Variants in DPP10 observed in about 807,000 individuals in gnomAD.
DPP10 encodes dipeptidyl peptidase like 10, also known as inactive dipeptidyl peptidase 10.
A neutral mutation model predicts 120.9 loss-of-function variants in DPP10; 33 were observed. The observed-to-expected ratio is 0.27, with a 90% CI of 0.21 to 0.37. DPP10 has a LOEUF of 0.37. DPP10 is among the 10% of genes least tolerant of loss of function. The pLI, the probability that DPP10 is intolerant of heterozygous loss-of-function variation, is 1.00. For synonymous variants in DPP10, 337 were observed against 326.1 expected, an observed-to-expected ratio of 1.03 and a Z score of -0.36; for missense variants, 816 against 942.8, an observed-to-expected ratio of 0.87 and a Z score of 1.76.
intron 1 of DPP10, among the ~76,000 whole-genome samples, chr2:114,510,894 T>G (rs968987442): frequency 6.6e-6 from 1 of 152,220 alleles, no homozygotes; most frequent in African/African-American, 2.4e-5. Flanking sequence ...TATCACAGAC[T>G]TATTTGTAGT....
intron 2 of DPP10, among the ~76,000 whole-genome samples, chr2:115,311,536 A>G (rs181615456): frequency 6.6e-6 from 1 of 152,310 alleles, no homozygotes; most frequent in African/African-American, 2.4e-5. Context: ...TCCTGGGGTC[A>G]AATTATTCAT....
chr2:115,468,862 C>G (rs539888873), intron 3 of DPP10: 3 of 412,164 alleles, frequency 7.3e-6, no homozygotes, highest in Non-Finnish European at 1.4e-5. Context: ...GCACTCAAGA[C>G]TGCCACAGAA....
intron 5 of DPP10, among the ~76,000 whole-genome samples, chr2:115,684,817 T>A (rs1156636632): frequency 1.3e-5 from 2 of 151,972 alleles, no homozygotes; most frequent in Non-Finnish European, 2.9e-5. Flanking sequence ...AAAGACAATT[T>A]ACATTTTTAA....
intron 5 of DPP10, among the ~76,000 whole-genome samples, chr2:115,530,823 A>T (rs2078417230): frequency 6.6e-6 from 1 of 152,208 alleles, no homozygotes. Context: ...ACTCTGATTT[A>T]ATTGGCCTGA....
intron 9 of DPP10, among the ~76,000 whole-genome samples, chr2:115,740,463 A>G (rs1405166004): frequency 6.6e-6 from 1 of 152,158 alleles, no homozygotes; most frequent in Non-Finnish European, 1.5e-5. Context: ...AAAATCACCC[A>G]TAAAGAATAG....
chr2:114,588,013 A>G (rs991836167), intron 1 of DPP10, among the ~76,000 whole-genome samples: 2 of 152,262 alleles, frequency 1.3e-5, no homozygotes, highest in Non-Finnish European at 2.9e-5. Flanking sequence ...ATGCCTCTCA[A>G]CAAGGTCCCA....
At chr2:114,681,972 T>C (rs1359631530) in intron 1 of DPP10, among the ~76,000 whole-genome samples, 2 of 152,014 alleles carry the variant, frequency 1.3e-5, no homozygotes, top group Non-Finnish European at 2.9e-5. Flanking sequence ...ATGGCTGGCC[T>C]GGGTCTCACC....
intron 5 of DPP10, among the ~76,000 whole-genome samples, chr2:115,585,381 C>T (rs1424614386): frequency 2.6e-5 from 4 of 152,008 alleles, no homozygotes; most frequent in Non-Finnish European, 5.9e-5. Context: ...CCATGCAGTA[C>T]TAAAAAATAA....
At chr2:114,968,434 G>A (rs905743349) in intron 1 of DPP10, among the ~76,000 whole-genome samples, 1 of 152,050 alleles carries the variant, frequency 6.6e-6, no homozygotes, top group African/African-American at 2.4e-5. Context: ...TAAACAGAAA[G>A]CTCCTTGATG....
intron 1 of DPP10, among the ~76,000 whole-genome samples, chr2:114,630,202 A>G (rs1694818971): frequency 6.6e-6 from 1 of 152,164 alleles, no homozygotes; most frequent in African/African-American, 2.4e-5. Context: ...AAATTTCTGA[A>G]AATGAAAAAT....
At chr2:114,478,591 A>G (rs1379656670) in intron 1 of DPP10, among the ~76,000 whole-genome samples, 1 of 152,100 alleles carries the variant, frequency 6.6e-6, no homozygotes. Flanking sequence ...ATAAGGAAGG[A>G]AGGAAGGAAT....
At chr2:114,707,188 C>A (rs113203136) in intron 1 of DPP10, 1 of 152,078 alleles carries the variant, frequency 6.6e-6, no homozygotes, top group Non-Finnish European at 1.5e-5. Context: ...AGTTGACCTT[C>A]ACAAGACGAA....
rs17043510 is a variant in DPP10, at chr2:114,758,746, T to G, written c.60+315908T>G. 8.6e-3 allele frequency among the ~76,000 whole-genome samples: 1,303 copies of G among 152,310 alleles called. 21 individuals carry two copies. Among genetic ancestry groups the G allele is most frequent in the African/African-American group, 0.03 (1,227 of 41,570 alleles). ...AAAATGAATTATTTTACAGCAAAACTTTGATTAATCACACTGAAAAATAGC... is the reference window on the plus strand; with the variant it reads ...AAAATGAATTATTTTACAGCAAAACGTTGATTAATCACACTGAAAAATAGC... On this transcript the variant is annotated intron_variant, in intron 1 of 25. Coordinates refer to ENST00000410059, the MANE Select transcript of DPP10 (RefSeq NM_020868.6).
intron 1 of DPP10, among the ~76,000 whole-genome samples, chr2:114,525,439 A>G (rs1039328537): frequency 6.6e-6 from 1 of 152,208 alleles, no homozygotes; most frequent in African/African-American, 2.4e-5. Flanking sequence ...GTGTAGTATA[A>G]CATCTACTAT....
chr2:115,824,645 A>T (rs910802975), intron 21 of DPP10, among the ~76,000 whole-genome samples: 2 of 152,184 alleles, frequency 1.3e-5, no homozygotes, highest in Non-Finnish European at 2.9e-5. Context: ...TGCCAAGAAC[A>T]TGATCTCATT....
At chr2:115,720,565 A>G (rs1451368082) in intron 7 of DPP10, among the ~76,000 whole-genome samples, 1 of 152,084 alleles carries the variant, frequency 6.6e-6, no homozygotes, top group Non-Finnish European at 1.5e-5. Context: ...GATAAAAAAT[A>G]ACTGTAAATG....
Position 114,814,562 on chromosome 2 carries a change from C to G in DPP10, c.60+371724C>G, listed in dbSNP as rs1223249810. On this transcript the variant is annotated intron_variant, in intron 1 of 25. Coordinates refer to ENST00000410059, the MANE Select transcript of DPP10 (RefSeq NM_020868.6). Reference sequence around the variant, plus strand: ...AATATTACCATGTCAGCATATTGCACTGGCACGTTTGAGGCACCCGATAGC... The same window carrying G: ...AATATTACCATGTCAGCATATTGCAGTGGCACGTTTGAGGCACCCGATAGC... 7.9e-5 allele frequency among the ~76,000 whole-genome samples: 12 copies of G among 152,168 alleles called. No homozygotes were observed. In the East Asian group the frequency reaches 2.3e-3, roughly 29 times the overall value.
At chr2:114,655,595 T>C (rs9308698) in intron 1 of DPP10, among the ~76,000 whole-genome samples, 49,978 of 151,950 alleles carry the variant, frequency 0.33, 10,123 homozygotes, top group African/African-American at 0.56. Context: ...CAGGTGTTCT[T>C]TTGTTTATTT....
chr2:115,778,477 A>G lies in DPP10; in HGVS notation c.1361+643A>G, dbSNP rs112370719. Among the ~76,000 whole-genome samples, 316 of 152,234 alleles carry G rather than the reference A, an allele frequency of 2.1e-3. 2 individuals are homozygous for G. The highest frequency in any genetic ancestry group is 3.7e-3 in the Admixed American group (56 of 15,262). ...CTATTTAGTATTAAAATGTCTCCTC[A>G]CTCAGAGAGCTTTCACCAGGATCTC... On this transcript the variant is annotated intron_variant, in intron 15 of 25. Coordinates refer to ENST00000410059, the MANE Select transcript of DPP10 (RefSeq NM_020868.6).
Sources: allele counts gnomAD v4.1 joint callset (sites outside exome capture counted in the v4.1 genomes callset), GRCh38; gene constraint gnomAD v4.1.1; transcripts MANE v1.5; gene names NCBI Gene and HGNC (gene_info 2026-07-23, HGNC 2026-07-21).